DAAM1: variants seen among roughly 807,000 people sequenced by gnomAD.
The protein encoded by DAAM1 is disheveled-associated activator of morphogenesis 1.
A neutral mutation model predicts 130.0 loss-of-function variants in DAAM1; 52 were observed. That is an observed-to-expected ratio of 0.40 (90% confidence interval 0.32 to 0.50). The LOEUF (loss-of-function observed/expected upper bound fraction) is 0.50. Among genes scored for constraint, DAAM1 ranks in the 20% least tolerant of loss-of-function variants. The pLI, the probability that DAAM1 is intolerant of heterozygous loss-of-function variation, is 0.61. For synonymous variants in DAAM1, 452 were observed against 444.5 expected, an observed-to-expected ratio of 1.02 and a Z score of -0.21; for missense variants, 1,134 against 1,303.8, an observed-to-expected ratio of 0.87 and a Z score of 2.01.
chr14:59,283,533 C>T (rs990812139), intron 2 of DAAM1, among the ~76,000 whole-genome samples: 1 of 152,056 alleles, frequency 6.6e-6, no homozygotes, highest in African/African-American at 2.4e-5. Flanking sequence ...TGTGATGTAA[C>T]TGTTTACCTT....
intron 1 of DAAM1, among the ~76,000 whole-genome samples, chr14:59,195,673 C>T (rs769698436): frequency 2.0e-5 from 3 of 152,142 alleles, no homozygotes; most frequent in Non-Finnish European, 4.4e-5. Flanking sequence ...TTTAGGCTTA[C>T]AAGAGTAGAT....
intron 2 of DAAM1, among the ~76,000 whole-genome samples, chr14:59,285,424 C>G (rs932561784): frequency 1.3e-5 from 2 of 152,126 alleles, no homozygotes; most frequent in African/African-American, 4.8e-5. Flanking sequence ...GGATCAAATC[C>G]TCACATATTA....
intron 22 of DAAM1, among the ~76,000 whole-genome samples, chr14:59,361,449 T>C (rs1047553160): frequency 5.3e-5 from 8 of 152,008 alleles, no homozygotes; most frequent in Non-Finnish European, 1.0e-4. Context: ...GGGTTGAGGG[T>C]GCTTTGGAGG....
chr14:59,335,094 A>G (rs1885578262), intron 15 of DAAM1, among the ~76,000 whole-genome samples: 1 of 152,188 alleles, frequency 6.6e-6, no homozygotes, highest in Non-Finnish European at 1.5e-5. Context: ...CTTGGTGTGT[A>G]TTTAGTAACT....
At chr14:59,196,868 A>C (rs1470433799) in intron 1 of DAAM1, among the ~76,000 whole-genome samples, 1 of 152,256 alleles carries the variant, frequency 6.6e-6, no homozygotes, top group Non-Finnish European at 1.5e-5. Context: ...AAAGTTGGTG[A>C]AATTGTGAAT....
chr14:59,256,617 C>T (rs553354695), intron 1 of DAAM1, among the ~76,000 whole-genome samples: 4 of 152,218 alleles, frequency 2.6e-5, no homozygotes, highest in African/African-American at 4.8e-5. Context: ...AGAAGATGTG[C>T]TCTGGTTCAG....
At chr14:59,280,722 G>A (rs1240953297) in intron 2 of DAAM1, among the ~76,000 whole-genome samples, 1 of 151,886 alleles carries the variant, frequency 6.6e-6, no homozygotes, top group Non-Finnish European at 1.5e-5. Flanking sequence ...CTCATCCCCA[G>A]AAAGGCAGGA....
At chr14:59,231,427 G>A (rs1566659628) in intron 1 of DAAM1, among the ~76,000 whole-genome samples, 1 of 152,292 alleles carries the variant, frequency 6.6e-6, no homozygotes, top group East Asian at 1.9e-4. Flanking sequence ...GAGTAGTGGG[G>A]ACCATGGCAA....
chr14:59,213,572 T>C (rs966251497), intron 1 of DAAM1, among the ~76,000 whole-genome samples: 1 of 152,108 alleles, frequency 6.6e-6, no homozygotes, highest in African/African-American at 2.4e-5. Flanking sequence ...CCACCAGCTG[T>C]GAGTGCAGCA....
At chr14:59,210,288 T>C (rs1888389695) in intron 1 of DAAM1, among the ~76,000 whole-genome samples, 1 of 152,244 alleles carries the variant, frequency 6.6e-6, no homozygotes, top group African/African-American at 2.4e-5. Context: ...TTATCTGTGA[T>C]TGGACAACTA....
chr14:59,360,397 A>T (rs1886659470), intron 21 of DAAM1, among the ~76,000 whole-genome samples: 5 of 152,270 alleles, frequency 3.3e-5, no homozygotes, highest in African/African-American at 7.2e-5. Context: ...AACACTGATT[A>T]TACAGAGTAC....
At chr14:59,245,858 G>A (rs185697569) in intron 1 of DAAM1, among the ~76,000 whole-genome samples, 1 of 152,286 alleles carries the variant, frequency 6.6e-6, no homozygotes, top group Non-Finnish European at 1.5e-5. Context: ...GTTGAGTGTA[G>A]TAAAGTGGAA....
At chr14:59,273,451 A>G (rs1037205148) in intron 2 of DAAM1, among the ~76,000 whole-genome samples, 8 of 152,238 alleles carry the variant, frequency 5.3e-5, no homozygotes, top group African/African-American at 1.9e-4. Context: ...ATACTATACT[A>G]TAAAACTATC....
chr14:59,247,518 A>G (rs1432991982), intron 1 of DAAM1, among the ~76,000 whole-genome samples: 3 of 152,302 alleles, frequency 2.0e-5, no homozygotes, highest in South Asian at 2.1e-4. Context: ...GTCTATGAAT[A>G]TGGGATGTTA....
In DAAM1 at chr14:59,330,568, G is replaced by C; in HGVS notation, c.1440G>C (p.Lys480Asn). 1 of 1,613,984 alleles carries C rather than the reference G, an allele frequency of 6.2e-7. No individual in the cohort carries two copies. The highest frequency in any genetic ancestry group is 8.5e-7 in the Non-Finnish European group (1 of 1,179,956). Residue 480 changes from lysine (K) to asparagine (N), a missense_variant, in exon 13 of 25, where the codon AAG (lysine) becomes AAC (asparagine). By Grantham distance (94) the Lys-to-Asn change is moderately conservative. This residue lies in a region of DAAM1 where 391 missense variants were observed against 521.6 expected (regional missense o/e 0.75). Coordinates refer to ENST00000360909, the MANE Select transcript of DAAM1 (RefSeq NM_001270520.2). ...ERECDAKTQE[K>N]EEMMQTLNKM... ...AATGTGATGCTAAGACTCAAGAGAA[G>C]GAAGAGATGATGCAGACCTTAAATA...
intron 2 of DAAM1, among the ~76,000 whole-genome samples, chr14:59,278,942 CAG>C (rs10553907): frequency 0.31 from 47,192 of 151,838 alleles, 8,672 homozygotes; most frequent in East Asian, 0.56. Context: ...AATGTTCAAA[CAG>C]AATTTTCTTT....
chr14:59,196,607 G>T (rs1442106695), intron 1 of DAAM1, among the ~76,000 whole-genome samples: 1 of 152,080 alleles, frequency 6.6e-6, no homozygotes, highest in African/African-American at 2.4e-5. Flanking sequence ...GCCGGGCGTG[G>T]TGGCGGGCGC....
chr14:59,362,077 G>C (rs1042425307), intron 22 of DAAM1, among the ~76,000 whole-genome samples: 1 of 139,384 alleles, frequency 7.2e-6, no homozygotes, highest in Non-Finnish European at 1.5e-5. Flanking sequence ...AAATTCTACT[G>C]ATTGAACTTT....
At chr14:59,309,520 G>T (rs1884497258) in intron 3 of DAAM1, among the ~76,000 whole-genome samples, 1 of 152,194 alleles carries the variant, frequency 6.6e-6, no homozygotes, top group South Asian at 2.1e-4. Flanking sequence ...ACAAACTATG[G>T]CCCGTGGGCT....
Sources: gnomAD v4.1 joint callset for allele counts (sites outside exome capture counted in the v4.1 genomes callset) on GRCh38, gnomAD v4.1.1 for gene constraint, gnomAD v4.1.1 regional missense constraint, MANE v1.5 for transcripts, NCBI Gene and HGNC (gene_info 2026-07-23, HGNC 2026-07-21) for gene names.